CDH12: variants seen among roughly 807,000 people sequenced by gnomAD.
CDH12 encodes the protein cadherin 12.
Under a neutral mutation model 74.1 loss-of-function variants are expected in CDH12, and 41 were observed. That is an observed-to-expected ratio of 0.55 (90% CI 0.43 to 0.72). CDH12 has a LOEUF of 0.72. CDH12 is among the 30% of genes least tolerant of loss of function. The probability of loss-of-function intolerance (pLI) is 0.00; values close to 1 mark genes in which losing one functional copy is unlikely to be tolerated. For synonymous variants in CDH12, 399 were observed against 355.0 expected (o/e 1.12, Z -1.39); for missense variants, 945 against 977.2 (o/e 0.97, Z 0.44).
chr5:22,246,836 T>A (rs1411586117), intron 3 of CDH12, among the ~76,000 whole-genome samples: 1 of 152,178 alleles, frequency 6.6e-6, no homozygotes, highest in East Asian at 1.9e-4. Flanking sequence ...TTTTAAGGTA[T>A]AAGACTGTAT....
At chr5:22,769,110 A>C (rs1255079362) in intron 1 of CDH12, among the ~76,000 whole-genome samples, 1 of 152,116 alleles carries the variant, frequency 6.6e-6, no homozygotes, top group Non-Finnish European at 1.5e-5. Flanking sequence ...AAGAGGTGTC[A>C]ACTTGATTGA....
At chr5:21,875,580 G>GAGCTC (rs1278839898) in intron 6 of CDH12, among the ~76,000 whole-genome samples, 8 of 1,974 alleles carry the variant, frequency 4.1e-3, no homozygotes, top group Admixed American at 7.9e-3. Context: ...TTTCAAAGCA[G>GAGCTC]TGCCAATTAC....
At chr5:22,247,751 T>G (rs1167130604) in intron 3 of CDH12, among the ~76,000 whole-genome samples, 1 of 152,166 alleles carries the variant, frequency 6.6e-6, no homozygotes, top group South Asian at 2.1e-4. Context: ...TACTGTGACA[T>G]AAAAAATTCT....
rs1213805554 is a variant in CDH12 at position 21,885,344 on chromosome 5, A to G, written c.527-30554T>C. On this transcript the variant is annotated intron_variant, in intron 6 of 14. Coordinates refer to ENST00000382254, the MANE Select transcript of CDH12 (RefSeq NM_004061.5). ...GGTTGTACAACTTTAGTTTTAGCTT[A>G]TTGTACTGTAGAGCTAATTCCAGAG... Among the ~76,000 whole-genome samples the G allele has an allele frequency of 6.6e-5, 10 of 152,174 alleles. No individual in the cohort carries two copies. The South Asian group carries it at 2.1e-3, about 31-fold the overall frequency.
chr5:22,564,885 T>C (rs1739219007), intron 1 of CDH12, among the ~76,000 whole-genome samples: 1 of 152,184 alleles, frequency 6.6e-6, no homozygotes, highest in Non-Finnish European at 1.5e-5. Context: ...AGATATCTCT[T>C]CTCTTGATGA....
rs540508837 is a variant in CDH12 at position 22,443,544 on chromosome 5, C to T, written c.-427-38193G>A. ...GAGATTTATTAATCCAGTCAATTTC[C>T]GTAACATGGATCAGGAAATATGGAT... On this transcript the variant is annotated intron_variant, in intron 2 of 14. Transcript: ENST00000382254. Among the ~76,000 whole-genome samples the T allele has an allele frequency of 1.4e-4, 21 of 152,064 alleles. 1 individual carries two copies. Among genetic ancestry groups the T allele is most frequent in the South Asian group, 1.0e-3 (5 of 4,826 alleles).
At chr5:22,074,331 T>G (rs10038946) in intron 5 of CDH12, among the ~76,000 whole-genome samples, 47,464 of 151,972 alleles carry the variant, frequency 0.31, 8,468 homozygotes, top group African/African-American at 0.5. Flanking sequence ...ATTAAAGACT[T>G]AAATGTTAGA....
chr5:22,179,387 T>C (rs1167588678), intron 4 of CDH12, among the ~76,000 whole-genome samples: 1 of 152,196 alleles, frequency 6.6e-6, no homozygotes, highest in African/African-American at 2.4e-5. Flanking sequence ...GTACTATAAA[T>C]AGAAAATGCT....
intron 5 of CDH12, among the ~76,000 whole-genome samples, chr5:22,023,897 GT>G (rs1738166662): frequency 6.6e-6 from 1 of 152,100 alleles, no homozygotes. Context: ...GTTATGTCAT[GT>G]CACTGATGCA....
chr5:22,698,253 C>G (rs1370268286), intron 1 of CDH12, among the ~76,000 whole-genome samples: 1 of 150,314 alleles, frequency 6.7e-6, no homozygotes, highest in Non-Finnish European at 1.5e-5. Context: ...TCCCAAGTAG[C>G]TGGGATTACA....
chr5:22,353,955 T>A (rs1396238042), intron 3 of CDH12, among the ~76,000 whole-genome samples: 2 of 152,190 alleles, frequency 1.3e-5, no homozygotes, highest in African/African-American at 4.8e-5. Context: ...GCAGAAAATG[T>A]GCAGATGCTG....
chr5:22,704,751 T>C (rs1742897705), intron 1 of CDH12, among the ~76,000 whole-genome samples: 1 of 152,096 alleles, frequency 6.6e-6, no homozygotes, highest in Non-Finnish European at 1.5e-5. Context: ...ACCTCAATTT[T>C]TTAGGCAGAT....
At chr5:21,920,832 C>T (rs1754320096) in intron 6 of CDH12, among the ~76,000 whole-genome samples, 1 of 152,068 alleles carries the variant, frequency 6.6e-6, no homozygotes, top group South Asian at 2.1e-4. Flanking sequence ...TTTTCTGAAC[C>T]TTCAACAACC....
At position 22,834,125 on chromosome 5, in the gene CDH12, T is replaced by A. The variant is rs533784919; in HGVS notation, c.-523+18933A>T. Among the ~76,000 whole-genome samples, 98 of 152,292 alleles carry A rather than the reference T, an allele frequency of 6.4e-4. No homozygotes were observed. In the South Asian group the frequency reaches 0.013, roughly 20 times the overall value. ...TTGCACTTTATAATTGCAAAATTCT[T>A]CATTCATTAGCTAAACCTCTTTTCC... On this transcript the variant is annotated intron_variant, in intron 1 of 14. Coordinates refer to ENST00000382254, the MANE Select transcript of CDH12 (RefSeq NM_004061.5).
At chr5:22,243,389 T>C (rs1008920876) in intron 3 of CDH12, among the ~76,000 whole-genome samples, 4 of 152,202 alleles carry the variant, frequency 2.6e-5, no homozygotes, top group African/African-American at 7.2e-5. Flanking sequence ...AGAGTAAATA[T>C]AATTTTTGAT....
At chr5:22,840,328 T>C (rs1406425613) in intron 1 of CDH12, among the ~76,000 whole-genome samples, 1 of 152,126 alleles carries the variant, frequency 6.6e-6, no homozygotes, top group East Asian at 1.9e-4. Flanking sequence ...TTCACTGTGT[T>C]GGCCAGGATG....
intron 1 of CDH12, among the ~76,000 whole-genome samples, chr5:22,727,881 A>G (rs1424512361): frequency 6.6e-6 from 1 of 151,538 alleles, no homozygotes; most frequent in Admixed American, 6.6e-5. Flanking sequence ...TACTTTTGTT[A>G]TCTGCATTCT....
intron 6 of CDH12, among the ~76,000 whole-genome samples, chr5:21,890,707 T>C (rs1429567031): frequency 6.6e-6 from 1 of 152,084 alleles, no homozygotes; most frequent in Non-Finnish European, 1.5e-5. Context: ...GCAGCAGAGA[T>C]GTATATAAAG....
chr5:22,149,917 C>G lies in CDH12; in HGVS notation c.-187+62581G>C, dbSNP rs149631822. 1.2e-3 allele frequency among the ~76,000 whole-genome samples: 183 copies of G among 152,272 alleles called. 1 individual carries two copies. Among genetic ancestry groups the G allele is most frequent in the African/African-American group, 4.2e-3 (174 of 41,556 alleles). The stretch of plus-strand genomic sequence containing the variant: ...GGCTGAGGCAGAGAATTGCTTGAAC[C>G]TGGAAGGCGGAGGTTGCAATGAGCC... On this transcript the variant is annotated intron_variant, in intron 4 of 14. Transcript: ENST00000382254.
Sources: allele counts gnomAD v4.1 joint callset (sites outside exome capture counted in the v4.1 genomes callset), GRCh38; gene constraint gnomAD v4.1.1; transcripts MANE v1.5; gene names NCBI Gene and HGNC (gene_info 2026-07-23, HGNC 2026-07-21).